SAMD12: variants seen among roughly 807,000 people sequenced by gnomAD.
SAMD12 encodes the protein sterile alpha motif domain containing 12, also known as sterile alpha motif domain-containing protein 12.
Under a neutral mutation model 15.0 loss-of-function variants are expected in SAMD12, and 9 were observed. The observed-to-expected ratio is 0.60, with a 90% CI of 0.36 to 1.05. The LOEUF (loss-of-function observed/expected upper bound fraction) is 1.05, where lower values mean the gene tolerates loss of function less well. Among genes scored for constraint, SAMD12 ranks in the 50% least tolerant of loss-of-function variants. The pLI is 0.01. For synonymous variants in SAMD12, 86 were observed against 90.1 expected (o/e 0.96, Z 0.25); for missense variants, 230 against 234.2 (o/e 0.98, Z 0.12).
At chr8:118,346,036 T>C (rs1277509884) in intron 4 of SAMD12, among the ~76,000 whole-genome samples, 2 of 152,216 alleles carry the variant, frequency 1.3e-5, no homozygotes, top group African/African-American at 2.4e-5. Context: ...TGGAGACCCT[T>C]GGTGCATCTG....
chr8:118,219,582 A>G (rs1355640899), intron 4 of SAMD12, among the ~76,000 whole-genome samples: 2 of 152,202 alleles, frequency 1.3e-5, no homozygotes, highest in African/African-American at 4.8e-5. Flanking sequence ...GACCAGGAGA[A>G]TGATGGAATG....
At chr8:118,281,573 C>G (rs1442672624) in intron 4 of SAMD12, among the ~76,000 whole-genome samples, 1 of 152,158 alleles carries the variant, frequency 6.6e-6, no homozygotes, top group African/African-American at 2.4e-5. Context: ...AATCCCTAGA[C>G]CAGAAAGTAG....
chr8:118,553,642 A>C (rs1278661796), intron 2 of SAMD12, among the ~76,000 whole-genome samples: 1 of 149,878 alleles, frequency 6.7e-6, no homozygotes, highest in Non-Finnish European at 1.5e-5. Flanking sequence ...CATGTCTAAA[A>C]CACCAAAAGC....
chr8:118,165,623 T>C, the SAMD12 span, among the ~76,000 whole-genome samples: 7 of 138,102 alleles, frequency 5.1e-5, no homozygotes, highest in East Asian at 2.0e-4. Flanking sequence ...TGTATATATA[T>C]ATATATATAT....
intron 4 of SAMD12, among the ~76,000 whole-genome samples, chr8:118,271,746 G>A (rs553357005): frequency 4.6e-5 from 7 of 152,282 alleles, no homozygotes; most frequent in African/African-American, 7.2e-5. Flanking sequence ...ATCCAATAGG[G>A]CAGTCATTAA....
chr8:118,514,242 T>C (rs1825167027), intron 2 of SAMD12, among the ~76,000 whole-genome samples: 1 of 152,152 alleles, frequency 6.6e-6, no homozygotes, highest in Admixed American at 6.5e-5. Flanking sequence ...GGGACCACAA[T>C]AGAAATTTTG....
chr8:118,547,312 G>A (rs1040689977), intron 2 of SAMD12, among the ~76,000 whole-genome samples: 1 of 152,078 alleles, frequency 6.6e-6, no homozygotes, highest in African/African-American at 2.4e-5. Flanking sequence ...CAATTTGTTG[G>A]CCAAATCAAG....
chr8:118,552,850 A>G (rs1353166264), intron 2 of SAMD12, among the ~76,000 whole-genome samples: 1 of 151,886 alleles, frequency 6.6e-6, no homozygotes, highest in Admixed American at 6.6e-5. Context: ...ATACAAAATC[A>G]ATGTACAAAA....
At chr8:118,484,087 TAGGGTA>T (rs1824208604) in intron 2 of SAMD12, among the ~76,000 whole-genome samples, 1 of 151,768 alleles carries the variant, frequency 6.6e-6, no homozygotes, top group East Asian at 1.9e-4. Flanking sequence ...GACAACAGAG[TAGGGTA>T]AGGGGAAAGG....
At chr8:118,239,440 T>A (rs1387729718) in intron 4 of SAMD12, among the ~76,000 whole-genome samples, 1 of 152,064 alleles carries the variant, frequency 6.6e-6, no homozygotes, top group Non-Finnish European at 1.5e-5. Context: ...CTACCAAGAC[T>A]CTTCTATTAC....
intron 4 of SAMD12, among the ~76,000 whole-genome samples, chr8:118,351,060 A>G (rs994371915): frequency 6.6e-6 from 1 of 152,226 alleles, no homozygotes; most frequent in Non-Finnish European, 1.5e-5. Flanking sequence ...CACGTGGGAC[A>G]TGAGTCTCCA....
chr8:118,215,321 C>T (rs2129837784), intron 4 of SAMD12, among the ~76,000 whole-genome samples: 2 of 152,226 alleles, frequency 1.3e-5, no homozygotes, highest in African/African-American at 4.8e-5. Context: ...TCACAAACTC[C>T]AAAATATTTA....
At chr8:118,249,086 C>A (rs971601544) in intron 4 of SAMD12, among the ~76,000 whole-genome samples, 8 of 152,124 alleles carry the variant, frequency 5.3e-5, no homozygotes, top group Non-Finnish European at 1.0e-4. Context: ...TAATTTAAAT[C>A]ATCTCTAGAT....
chr8:118,206,301 C>T (rs1819861729), intron 4 of SAMD12, among the ~76,000 whole-genome samples: 1 of 152,208 alleles, frequency 6.6e-6, no homozygotes, highest in Non-Finnish European at 1.5e-5. Flanking sequence ...AGTTATTTGT[C>T]CTTCAGACAG....
chr8:118,471,831 C>CA (rs1320134826), intron 2 of SAMD12, among the ~76,000 whole-genome samples: 1 of 152,100 alleles, frequency 6.6e-6, no homozygotes, highest in Non-Finnish European at 1.5e-5. Flanking sequence ...GTACCTGATA[C>CA]AGTCCACAAA....
intron 4 of SAMD12, among the ~76,000 whole-genome samples, chr8:118,303,737 T>C (rs1279450416): frequency 1.3e-5 from 2 of 152,156 alleles, no homozygotes; most frequent in Admixed American, 6.5e-5. Flanking sequence ...ATTTGTGTGC[T>C]GCCATCATCA....
At chr8:118,151,505 T>C in the SAMD12 span, among the ~76,000 whole-genome samples, 1 of 152,064 alleles carries the variant, frequency 6.6e-6, no homozygotes, top group Non-Finnish European at 1.5e-5. Context: ...CCTGGAGTGA[T>C]CATAGCAGGA....
At chr8:118,445,105 T>C (rs1214070052) in intron 2 of SAMD12, among the ~76,000 whole-genome samples, 1 of 152,156 alleles carries the variant, frequency 6.6e-6, no homozygotes, top group East Asian at 1.9e-4. Context: ...GTCCTCTCTT[T>C]TATTAACTTT....
At chr8:118,423,991 T>C (rs1317998559) in intron 3 of SAMD12, among the ~76,000 whole-genome samples, 2 of 152,174 alleles carry the variant, frequency 1.3e-5, no homozygotes, top group African/African-American at 4.8e-5. Context: ...CTTGAGTTAC[T>C]AGAGAAATAT....
Sources: gnomAD v4.1 joint callset for allele counts (sites outside exome capture counted in the v4.1 genomes callset) on GRCh38, gnomAD v4.1.1 for gene constraint, MANE v1.5 for transcripts, NCBI Gene and HGNC (gene_info 2026-07-23, HGNC 2026-07-21) for gene names.